ATP8A1: variants seen among roughly 807,000 people sequenced by gnomAD.
ATP8A1 encodes the protein ATPase phospholipid transporting 8A1.
In ATP8A1, 90 loss-of-function variants were observed where a neutral mutation model predicts 177.7. That is an observed-to-expected ratio of 0.51 (90% CI 0.43 to 0.60). The LOEUF is 0.60. Among genes scored for constraint, ATP8A1 ranks in the 20% least tolerant of loss-of-function variants. ATP8A1 has a pLI of 0.00. For synonymous variants in ATP8A1, 493 were observed against 485.9 expected (o/e 1.01, Z -0.19); for missense variants, 1,072 against 1,392.8 (o/e 0.77, Z 3.67).
chr4:42,559,148 T>C (rs1730557474), intron 15 of ATP8A1, among the ~76,000 whole-genome samples: 1 of 152,204 alleles, frequency 6.6e-6, no homozygotes, highest in Non-Finnish European at 1.5e-5. Flanking sequence ...ATGGTACCAC[T>C]GCACTCCTGC....
intron 5 of ATP8A1, among the ~76,000 whole-genome samples, chr4:42,612,764 T>C (rs1405701721): frequency 6.6e-6 from 1 of 152,032 alleles, no homozygotes; most frequent in Non-Finnish European, 1.5e-5. Flanking sequence ...GGGCATCCAA[T>C]AAGCACCAGT....
intron 15 of ATP8A1, among the ~76,000 whole-genome samples, chr4:42,561,137 T>C (rs1730779153): frequency 6.6e-6 from 1 of 152,222 alleles, no homozygotes; most frequent in African/African-American, 2.4e-5. Flanking sequence ...GGCAGCTTGT[T>C]AGCACCAAGC....
At chr4:42,599,083 G>A (rs957003639) in intron 6 of ATP8A1, among the ~76,000 whole-genome samples, 1 of 152,126 alleles carries the variant, frequency 6.6e-6, no homozygotes, top group Admixed American at 6.5e-5. Context: ...AGGTAGGTTA[G>A]CACAATCTTG....
At chr4:42,622,904 A>G (rs11728045) in intron 4 of ATP8A1, among the ~76,000 whole-genome samples, 146,027 of 151,978 alleles carry the variant, frequency 0.96, 70,396 homozygotes, top group East Asian at 1. Flanking sequence ...AGCTACTCAG[A>G]AGGCTGAGGC....
At position 42,516,926 on chromosome 4, in the gene ATP8A1, C is replaced by A. The variant is rs190226580; in HGVS notation, c.1947+5234G>T. 9.2e-5 allele frequency among the ~76,000 whole-genome samples: 14 copies of A among 152,252 alleles called. No homozygotes were observed. In the East Asian group the frequency reaches 2.3e-3, roughly 25 times the overall value. On this transcript the variant is annotated intron_variant, in intron 22 of 36. Transcript: ENST00000381668. ...TCAAAGGTGAGAAATTTCAGAGAAA[C>A]CCCTGCCAATGAAACAAGGAACTTC... is the stretch of plus-strand genomic sequence containing the variant.
intron 15 of ATP8A1, among the ~76,000 whole-genome samples, chr4:42,564,092 CTG>C (rs979919667): frequency 6.6e-6 from 1 of 152,154 alleles, no homozygotes; most frequent in African/African-American, 2.4e-5. Flanking sequence ...AGAATTCTGT[CTG>C]GGGTTGCGGG....
intron 35 of ATP8A1, among the ~76,000 whole-genome samples, chr4:42,419,767 G>T (rs1011184785): frequency 1.3e-5 from 2 of 152,222 alleles, no homozygotes; most frequent in African/African-American, 4.8e-5. Flanking sequence ...ACTTTGGGAG[G>T]CTGAGGCGGG....
chr4:42,542,723 GATGGTTTCCAGCTTCATCC>G (rs1728532898), intron 20 of ATP8A1, among the ~76,000 whole-genome samples: 1 of 152,124 alleles, frequency 6.6e-6, no homozygotes, highest in Non-Finnish European at 1.5e-5. Context: ...TGCTGAGAAT[GATGGTTTCCAGCTTCATCC>G]ATGTCCCTGC....
At chr4:42,444,679 A>C (rs770929409) in intron 31 of ATP8A1, 45 bp from the exon 32 acceptor site, 1 of 1,560,628 alleles carries the variant, frequency 6.4e-7, no homozygotes, top group Non-Finnish European at 8.8e-7. Flanking sequence ...TAAACATGAA[A>C]GTTCATCAAA....
rs890038163 is a variant in ATP8A1 at position 42,574,634 on chromosome 4, G to A, written c.1280C>T (p.Ala427Val). Residue 427 changes from alanine (A) to valine (V), a missense_variant, in exon 14 of 37, where the codon GCG becomes GTG. Physicochemically the swap from Ala to Val is moderately conservative, Grantham distance 64 (BLOSUM62 0). Coordinates refer to ENST00000381668, the MANE Select transcript of ATP8A1 (RefSeq NM_006095.2). Reference protein sequence around the residue: ...NVMQFKKCTIAGVAYGHVPEP... With the variant: ...NVMQFKKCTIVGVAYGHVPEP... ...AAAAACTCACCCATAAGCAACTCCC[G>A]CTATGGTGCACTTCTTAAACTGCAT... 5.0e-6 allele frequency: 8 copies of A among 1,609,180 alleles called. No individual in the cohort carries two copies. Among genetic ancestry groups the A allele is most frequent in the South Asian group, 1.1e-5 (1 of 89,624 alleles).
At chr4:42,602,677 G>A (rs1735409606) in intron 5 of ATP8A1, among the ~76,000 whole-genome samples, 3 of 152,176 alleles carry the variant, frequency 2.0e-5, no homozygotes, top group Non-Finnish European at 1.5e-5. Context: ...GCTGAGACAG[G>A]AGAATGGCTT....
At chr4:42,589,578 G>A (rs147630532) in intron 7 of ATP8A1, among the ~76,000 whole-genome samples, 36 of 152,042 alleles carry the variant, frequency 2.4e-4, no homozygotes, top group Admixed American at 9.8e-4. Flanking sequence ...GCTTTCTTTC[G>A]TAAAAGCTGC....
At chr4:42,634,341 T>C (rs1013282020) in intron 1 of ATP8A1, among the ~76,000 whole-genome samples, 25 of 152,224 alleles carry the variant, frequency 1.6e-4, no homozygotes, top group Admixed American at 1.4e-3. Context: ...TTTGATCACA[T>C]GCTAAATTTA....
chr4:42,609,188 C>T lies in ATP8A1; in HGVS notation c.409+6845G>A, dbSNP rs995501349. Among the ~76,000 whole-genome samples the T allele has an allele frequency of 4.6e-5, 7 of 152,138 alleles. No individual in the cohort carries two copies. In the East Asian group the frequency reaches 7.7e-4, roughly 17 times the overall value. Reference sequence around the variant, plus strand: ...AATGAGTTGTCCTAAAAGCACGACCCCCTCACCAGCAGTGTCACTGAGAGG... The same window carrying T: ...AATGAGTTGTCCTAAAAGCACGACCTCCTCACCAGCAGTGTCACTGAGAGG... On this transcript the variant is annotated intron_variant, in intron 5 of 36. Transcript: ENST00000381668.
chr4:42,460,232 G>A (rs368176000), intron 27 of ATP8A1, among the ~76,000 whole-genome samples: 1 of 152,136 alleles, frequency 6.6e-6, no homozygotes, highest in East Asian at 1.9e-4. Context: ...TTAACAAGGA[G>A]ATAAGCATTC....
intron 20 of ATP8A1, among the ~76,000 whole-genome samples, chr4:42,535,517 G>A (rs896736496): frequency 6.6e-6 from 1 of 151,984 alleles, no homozygotes; most frequent in Non-Finnish European, 1.5e-5. Context: ...TAATAGTGGG[G>A]GACTTCAAAT....
chr4:42,461,784 C>A (rs531315747), intron 27 of ATP8A1, among the ~76,000 whole-genome samples: 1 of 152,060 alleles, frequency 6.6e-6, no homozygotes, highest in Non-Finnish European at 1.5e-5. Context: ...GACAAGAAAA[C>A]GTGCGAAAGT....
chr4:42,581,737 G>A lies in ATP8A1; in HGVS notation c.723-5C>T, dbSNP rs761677873. 6.2e-6 allele frequency: 10 copies of A among 1,603,336 alleles called. No homozygotes were observed. The African/African-American group carries it at 1.1e-4, about 17-fold the overall frequency. Reference sequence around the variant, plus strand: ...TCTGCTCCCAGTGGAACGGTGCTAGGACAGATTACGTTGACATTAGAAACA... The same window carrying A: ...TCTGCTCCCAGTGGAACGGTGCTAGAACAGATTACGTTGACATTAGAAACA... On this transcript the variant is annotated splice_region_variant and splice_polypyrimidine_tract_variant and intron_variant, in intron 9 of 36. Transcript: ENST00000381668.
At chr4:42,455,183 T>A in intron 29 of ATP8A1, 114 bp downstream of exon 29, 1 of 1,328,542 alleles carries the variant, frequency 7.5e-7, no homozygotes, top group Non-Finnish European at 1.0e-6. Flanking sequence ...GTCGGTACCC[T>A]GGAGTTGTCT....
Sources: allele counts gnomAD v4.1 joint callset (sites outside exome capture counted in the v4.1 genomes callset), GRCh38; gene constraint gnomAD v4.1.1; transcripts MANE v1.5; gene names NCBI Gene and HGNC (gene_info 2026-07-23, HGNC 2026-07-21).